Variants in AP1M2 observed in about 807,000 individuals in gnomAD.
AP1M2 encodes AP-1 complex subunit mu-2.
Under a neutral mutation model 54.6 loss-of-function variants are expected in AP1M2, and 41 were observed. The observed-to-expected ratio is 0.75, with a 90% CI of 0.59 to 0.97. The LOEUF (loss-of-function observed/expected upper bound fraction) is 0.97. AP1M2 is among the 50% of genes least tolerant of loss of function. The pLI, the probability that AP1M2 is intolerant of heterozygous loss-of-function variation, is 0.00. For missense variants in AP1M2, 507 were observed against 561.2 expected (o/e 0.90, Z 0.98); for synonymous variants, 219 against 215.9 (o/e 1.01, Z -0.13).
chr19:10,585,516 A>T (rs1056565015), intron 1 of AP1M2, among the ~76,000 whole-genome samples: 3 of 151,470 alleles, frequency 2.0e-5, no homozygotes, highest in African/African-American at 7.3e-5. Context: ...GGCCAACATG[A>T]TGAAACCCCG....
chr19:10,580,280 A>G (rs1238888169), intron 6 of AP1M2, among the ~76,000 whole-genome samples: 2 of 151,302 alleles, frequency 1.3e-5, no homozygotes, highest in Non-Finnish European at 3.0e-5. Context: ...CAAATTCCCA[A>G]CCTCAGGTGA....
At chr19:10,579,232 C>G (rs998157103) in intron 7 of AP1M2, among the ~76,000 whole-genome samples, 1 of 151,522 alleles carries the variant, frequency 6.6e-6, no homozygotes, top group Non-Finnish European at 1.5e-5. Context: ...CTGGCTAACA[C>G]GGCGAAACCC....
Position 10,583,664 on chromosome 19 carries a change from G to C in AP1M2, c.209C>G (p.Thr70Ser), listed in dbSNP as rs1456318106. 2 of 1,613,254 alleles carry C rather than the reference G, an allele frequency of 1.2e-6. No homozygotes were observed. Among genetic ancestry groups the C allele is most frequent in the Admixed American group, 3.3e-5 (2 of 59,906 alleles). Residue 70 changes from threonine to serine, a missense_variant, in exon 3 of 12, where the codon ACC becomes AGC. Coordinates refer to ENST00000250244, the MANE Select transcript of AP1M2 (RefSeq NM_005498.5). ...GGAGGCATTGGCATTCTTCGATGTG[G>C]TGGCCACCACTGGGGCAGCAAGGTT... ...IKHSNLYLVA[T>S]TSKNANASLV...
In AP1M2 at chr19:10,587,239, G is replaced by A; in HGVS notation, c.-8C>T. ...GACAGCCGAGGCGGACATGGTGGCGGCCGAAGGACTTAGGAGTCGGGGAGG... is the reference window on the plus strand; with the variant it reads ...GACAGCCGAGGCGGACATGGTGGCGACCGAAGGACTTAGGAGTCGGGGAGG... On this transcript the variant is annotated 5_prime_UTR_variant, in exon 1 of 12. Transcript: ENST00000250244. 1.3e-6 allele frequency: 2 copies of A among 1,563,432 alleles called. No homozygotes were observed. The highest frequency in any genetic ancestry group is 1.7e-6 in the Non-Finnish European group (2 of 1,154,142).
intron 11 of AP1M2, 50 bp downstream of exon 11, chr19:10,574,366 AC>A: frequency 1.4e-6 from 2 of 1,410,808 alleles, no homozygotes; most frequent in Non-Finnish European, 1.9e-6. Context: ...TCGAGTCCCT[AC>A]CCACTGCCTT....
intron 3 of AP1M2, among the ~76,000 whole-genome samples, chr19:10,582,873 T>G (rs1917510097): frequency 1.3e-5 from 2 of 149,674 alleles, no homozygotes; most frequent in Admixed American, 1.3e-4. Flanking sequence ...TTGCCCAGGC[T>G]GGAGTGCAGT....
intron 1 of AP1M2, 126 bp from the exon 2 acceptor site, chr19:10,584,196 G>T: frequency 8.1e-7 from 1 of 1,240,948 alleles, no homozygotes; most frequent in South Asian, 1.5e-5. Context: ...CTGCCTCCTT[G>T]TGCCTGTTTC....
intron 11 of AP1M2, among the ~76,000 whole-genome samples, chr19:10,573,382 G>A (rs538600017): frequency 6.6e-6 from 1 of 152,054 alleles, no homozygotes; most frequent in South Asian, 2.1e-4. Flanking sequence ...TTGCGCCACT[G>A]CACTCCAGCC....
intron 11 of AP1M2, 123 bp downstream of exon 11, chr19:10,574,294 A>ACACACCTGAACCAT: frequency 3.8e-6 from 3 of 797,160 alleles, no homozygotes; most frequent in Non-Finnish European, 5.8e-6. Flanking sequence ...TGCTAGGATT[A>ACACACCTGAACCAT]CACACCTGAA....
intron 1 of AP1M2, among the ~76,000 whole-genome samples, chr19:10,585,636 G>T (rs1407084569): frequency 6.6e-6 from 1 of 151,934 alleles, no homozygotes; most frequent in Non-Finnish European, 1.5e-5. Flanking sequence ...GGTGAAGGTT[G>T]CTGTGAGCTG....
At position 10,577,245 on chromosome 19, in the gene AP1M2, ACTTGGCG is replaced by A; in HGVS notation, c.993_999del (p.Ala332MetfsTer8). ...ATCACGACGTTTCTCTCCGGCACATACTTGGCGCTGCCCACACTGGTCTTGAATCTGG... is the reference window on the plus strand; with the variant it reads ...ATCACGACGTTTCTCTCCGGCACATACTGCCCACACTGGTCTTGAATCTGG... On this transcript the variant is annotated frameshift_variant, in exon 9 of 12. Transcript: ENST00000250244. LOFTEE classifies it high-confidence loss of function. 6 of 1,613,262 alleles carry A rather than the reference ACTTGGCG, an allele frequency of 3.7e-6. No homozygotes were observed. Among genetic ancestry groups the A allele is most frequent in the Non-Finnish European group, 3.4e-6 (4 of 1,179,700 alleles).
intron 3 of AP1M2, among the ~76,000 whole-genome samples, chr19:10,582,830 CT>C (rs142077500): frequency 0.7 from 100,742 of 144,946 alleles, 35,665 homozygotes; most frequent in Non-Finnish European, 0.75. Context: ...ATGGTGGCTT[CT>C]TTTTTTTTTT....
At chr19:10,585,977 T>C (rs1487037527) in intron 1 of AP1M2, among the ~76,000 whole-genome samples, 1 of 151,272 alleles carries the variant, frequency 6.6e-6, no homozygotes, top group Admixed American at 6.6e-5. Flanking sequence ...TACAAAAAAA[T>C]AAAAATAAAA....
intron 5 of AP1M2, 40 bp from the exon 6 acceptor site, chr19:10,581,432 TCCGTCTC>T: frequency 6.2e-7 from 1 of 1,610,206 alleles, no homozygotes; most frequent in Non-Finnish European, 8.5e-7. Flanking sequence ...GGCATCAAAC[TCCGTCTC>T]CTGCAGCCAG....
At position 10,583,903 on chromosome 19, in the gene AP1M2, G is replaced by T; in HGVS notation, c.199+11C>A. The T allele has an allele frequency of 6.3e-7, 1 of 1,590,542 alleles. No individual in the cohort carries two copies. The highest frequency in any genetic ancestry group is 1.1e-5 in the South Asian group (1 of 87,882). On this transcript the variant is annotated intron_variant, in intron 2 of 11. Coordinates refer to ENST00000250244, the MANE Select transcript of AP1M2 (RefSeq NM_005498.5). ...ACACCCACCTCCAGGGACACCACGTGGGGTGGATACAGTAGAGGTTGCTGT... is the reference window on the plus strand; with the variant it reads ...ACACCCACCTCCAGGGACACCACGTTGGGTGGATACAGTAGAGGTTGCTGT...
intron 8 of AP1M2, among the ~76,000 whole-genome samples, chr19:10,578,689 C>G (rs1176627241): frequency 5.9e-5 from 9 of 152,012 alleles, no homozygotes; most frequent in African/African-American, 2.2e-4. Context: ...CTAACTGGCA[C>G]TACAGGCACT....
At chr19:10,582,029 C>G (rs1195669141) in intron 3 of AP1M2, among the ~76,000 whole-genome samples, 151 bp from the exon 4 acceptor site, 4 of 151,828 alleles carry the variant, frequency 2.6e-5, no homozygotes, top group Non-Finnish European at 5.9e-5. Context: ...TATAGTGAAC[C>G]CCTATCTCGT....
intron 9 of AP1M2, 105 bp downstream of exon 9, chr19:10,577,093 G>T: frequency 7.8e-7 from 1 of 1,282,510 alleles, no homozygotes. Context: ...ACACCTGACT[G>T]GGTCTCTGAT....
chr19:10,573,385 C>G (rs1198817996), intron 11 of AP1M2, among the ~76,000 whole-genome samples: 1 of 151,976 alleles, frequency 6.6e-6, no homozygotes, highest in African/African-American at 2.4e-5. Context: ...CGCCACTGCA[C>G]TCCAGCCTGG....
Sources: gnomAD v4.1 joint callset for allele counts (sites outside exome capture counted in the v4.1 genomes callset) on GRCh38, gnomAD v4.1.1 for gene constraint, MANE v1.5 for transcripts, NCBI Gene and HGNC (gene_info 2026-07-23, HGNC 2026-07-21) for gene names.